MAF: variants seen among roughly 807,000 people sequenced by gnomAD.
MAF encodes the protein MAF bZIP transcription factor.
Under a neutral mutation model 22.0 loss-of-function variants are expected in MAF, and 10 were observed. The ratio of observed to expected loss-of-function variants is 0.45; its 90% CI spans 0.28 to 0.77. The LOEUF is 0.77. MAF is among the 30% of genes least tolerant of loss of function. MAF has a pLI of 0.12. For synonymous variants in MAF, 337 were observed against 255.8 expected, an observed-to-expected ratio of 1.32 and a Z score of -3.03; for missense variants, 544 against 548.4, an observed-to-expected ratio of 0.99 and a Z score of 0.08.
At chr16:79,450,830 T>G in the MAF span, among the ~76,000 whole-genome samples, 11 of 151,532 alleles carry the variant, frequency 7.3e-5, no homozygotes, top group South Asian at 2.1e-3. Flanking sequence ...ACATTTAACA[T>G]TTTTACATTT....
chr16:79,439,215 A>G, the MAF span, among the ~76,000 whole-genome samples: 1 of 140,448 alleles, frequency 7.1e-6, no homozygotes, highest in African/African-American at 2.7e-5. Context: ...GCACAAGTCC[A>G]CCTCTTTCAC....
downstream of MAF, among the ~76,000 whole-genome samples, chr16:79,582,675 G>A (rs535750917): frequency 6.6e-6 from 1 of 152,222 alleles, no homozygotes; most frequent in Non-Finnish European, 1.5e-5. Context: ...ACAATTTAGG[G>A]TAAATCCAAA....
At chr16:79,392,052 G>C in the MAF span, among the ~76,000 whole-genome samples, 1 of 149,886 alleles carries the variant, frequency 6.7e-6, no homozygotes, top group African/African-American at 2.5e-5. Flanking sequence ...AAGGAGGACA[G>C]AGAAGAGAGG....
At chr16:79,401,130 C>A in the MAF span, among the ~76,000 whole-genome samples, 1 of 152,206 alleles carries the variant, frequency 6.6e-6, no homozygotes, top group Admixed American at 6.5e-5. Flanking sequence ...TCATTTGGGA[C>A]AGGGCGTGGC....
the MAF span, among the ~76,000 whole-genome samples, chr16:79,216,642 G>A: frequency 5.3e-5 from 8 of 152,126 alleles, no homozygotes; most frequent in Non-Finnish European, 1.2e-4. Flanking sequence ...GCTGGGCTAT[G>A]CTATGATGTT....
the MAF span, among the ~76,000 whole-genome samples, chr16:79,506,135 G>C: frequency 2.0e-5 from 3 of 152,134 alleles, no homozygotes; most frequent in Admixed American, 2.0e-4. Flanking sequence ...ATAAGAAAGA[G>C]ATTTCTTGGA....
At chr16:79,500,118 G>A in the MAF span, among the ~76,000 whole-genome samples, 3 of 152,206 alleles carry the variant, frequency 2.0e-5, no homozygotes, top group African/African-American at 7.2e-5. Context: ...TGACCCCGCT[G>A]ACACCTCAGT....
the MAF span, among the ~76,000 whole-genome samples, chr16:79,301,416 T>G: frequency 2.0e-5 from 3 of 152,056 alleles, no homozygotes; most frequent in Non-Finnish European, 4.4e-5. Context: ...CTTAAGGAAG[T>G]GCATTTTTTC....
the MAF span, among the ~76,000 whole-genome samples, chr16:79,538,211 A>G: frequency 6.6e-6 from 1 of 152,260 alleles, no homozygotes; most frequent in African/African-American, 2.4e-5. Context: ...CTATTTTAAG[A>G]ATCAACAAAT....
At chr16:79,597,290 A>G (rs1913590075) in intron 1 of MAF, 1 of 1,044,412 alleles carries the variant, frequency 9.6e-7, no homozygotes, top group Non-Finnish European at 1.2e-6. Context: ...AACAGATTAT[A>G]AAAACTAGAA....
At chr16:79,223,966 T>C in the MAF span, among the ~76,000 whole-genome samples, 1 of 152,122 alleles carries the variant, frequency 6.6e-6, no homozygotes, top group Non-Finnish European at 1.5e-5. Flanking sequence ...TCTGAAACTA[T>C]TGCAAACAAT....
chr16:79,363,423 C>T, the MAF span, among the ~76,000 whole-genome samples: 2 of 152,200 alleles, frequency 1.3e-5, no homozygotes, highest in African/African-American at 4.8e-5. Flanking sequence ...AATTAGCCTA[C>T]AGTTGGGCAA....
the MAF span, among the ~76,000 whole-genome samples, chr16:79,471,196 G>A: frequency 2.2e-4 from 34 of 152,358 alleles, no homozygotes; most frequent in East Asian, 5.6e-3. Flanking sequence ...GGCAGAAGGA[G>A]CAAGTTCCTG....
the MAF span, among the ~76,000 whole-genome samples, chr16:79,575,772 T>C: frequency 6.6e-6 from 1 of 152,208 alleles, no homozygotes; most frequent in Non-Finnish European, 1.5e-5. Flanking sequence ...GATACCTTCA[T>C]ACCTATAACA....
At chr16:79,267,967 G>A in the MAF span, among the ~76,000 whole-genome samples, 10 of 152,152 alleles carry the variant, frequency 6.6e-5, no homozygotes, top group Non-Finnish European at 1.2e-4. Context: ...CTGGTTCTCC[G>A]GCTTGTGGGA....
chr16:79,559,601 A>G, the MAF span, among the ~76,000 whole-genome samples: 26 of 152,126 alleles, frequency 1.7e-4, no homozygotes, highest in Admixed American at 1.6e-3. Context: ...CAAACTGACT[A>G]TAATTTACTT....
the MAF span, among the ~76,000 whole-genome samples, chr16:79,493,139 TTTTG>T: frequency 0.084 from 12,605 of 149,724 alleles, 1,655 homozygotes; most frequent in African/African-American, 0.29. Flanking sequence ...TCTGTTTTTT[TTTTG>T]TTTTGTTTTG....
At chr16:79,574,565 G>A in the MAF span, among the ~76,000 whole-genome samples, 2 of 152,054 alleles carry the variant, frequency 1.3e-5, no homozygotes, top group Non-Finnish European at 2.9e-5. Context: ...CACTGATTTC[G>A]TGAGACCCAT....
At chr16:79,562,977 T>A in the MAF span, among the ~76,000 whole-genome samples, 1 of 152,208 alleles carries the variant, frequency 6.6e-6, no homozygotes, top group Non-Finnish European at 1.5e-5. Flanking sequence ...TTCAAATGTG[T>A]CTACTGGTCA....
Sources: allele counts gnomAD v4.1 joint callset (sites outside exome capture counted in the v4.1 genomes callset), GRCh38; gene constraint gnomAD v4.1.1; transcripts MANE v1.5; gene names NCBI Gene and HGNC (gene_info 2026-07-23, HGNC 2026-07-21).